PABPC4L: variants seen among roughly 807,000 people sequenced by gnomAD.
PABPC4L encodes the protein poly(A) binding protein cytoplasmic 4 like.
For synonymous variants in PABPC4L, 169 were observed against 164.1 expected (o/e 1.03, Z -0.23); for missense variants, 452 against 451.4 (o/e 1.00, Z -0.01).
the PABPC4L span, among the ~76,000 whole-genome samples, chr4:133,969,192 C>A: frequency 6.6e-6 from 1 of 152,146 alleles, no homozygotes; most frequent in Non-Finnish European, 1.5e-5. Flanking sequence ...AAGCTTTGTG[C>A]ATGTTTCTCT....
At chr4:134,144,352 C>T in the PABPC4L span, among the ~76,000 whole-genome samples, 1 of 151,472 alleles carries the variant, frequency 6.6e-6, no homozygotes, top group African/African-American at 2.4e-5. Flanking sequence ...CTTGGATTTT[C>T]AATAGGCAAA....
At chr4:134,016,369 C>T in the PABPC4L span, among the ~76,000 whole-genome samples, 5 of 152,146 alleles carry the variant, frequency 3.3e-5, no homozygotes, top group Admixed American at 3.3e-4. Flanking sequence ...ATCAGTAATG[C>T]CTCTTTAATA....
At chr4:134,033,694 A>G in the PABPC4L span, among the ~76,000 whole-genome samples, 5 of 151,962 alleles carry the variant, frequency 3.3e-5, no homozygotes, top group Non-Finnish European at 4.4e-5. Flanking sequence ...CCAAATCGCA[A>G]TCTAGAGCAA....
the PABPC4L span, among the ~76,000 whole-genome samples, chr4:133,999,172 T>C: frequency 1.3e-5 from 2 of 152,120 alleles, no homozygotes; most frequent in Non-Finnish European, 2.9e-5. Context: ...CAGGTTTCCC[T>C]GTTTCTTTGG....
Position 134,200,399 on chromosome 4 carries a change from C to T in PABPC4L, c.621G>A (p.Lys207=), listed in dbSNP as rs1365382455. ...FGGDMDDERL[K]DVFSKYGKTL... is the part of the protein sequence containing the mutation. ...TTTTGCCATATTTGCTGAAAACGTC[C>T]TTCAATCTCTCATCATCCATGTCAC... Residue 207 remains lysine, a synonymous_variant, in exon 2 of 2, where the codon AAG becomes AAA. Coordinates refer to ENST00000421491, the MANE Select transcript of PABPC4L (RefSeq NM_001114734.2). 6.4e-7 allele frequency: 1 copy of T among 1,561,146 alleles called. No individual in the cohort carries two copies. The highest frequency in any genetic ancestry group is 2.4e-5 in the East Asian group (1 of 41,726).
the PABPC4L span, among the ~76,000 whole-genome samples, chr4:134,186,363 T>C: frequency 1.3e-5 from 2 of 151,968 alleles, no homozygotes; most frequent in African/African-American, 4.8e-5. Context: ...TGGAACAGAA[T>C]AGAGTCCCTG....
Position 134,198,952 on chromosome 4 carries a change from A to T in PABPC4L, c.*955T>A, listed in dbSNP as rs2125708850. 6.6e-6 allele frequency: 1 copy of T among 152,108 alleles called. No individual in the cohort carries two copies. Among genetic ancestry groups the T allele is most frequent in the African/African-American group, 2.4e-5 (1 of 41,566 alleles). The allele number at this position is 152,108 out of a possible 1,614,324, so 9.4% of individuals were successfully genotyped here. ...GATGTGAGTACATAAAAATAGAGGA[A>T]CTTACTTTTCTGAACCCTAAGAGAA... On this transcript the variant is annotated 3_prime_UTR_variant, in exon 2 of 2. Transcript: ENST00000421491.
chr4:134,175,480 G>A, the PABPC4L span, among the ~76,000 whole-genome samples: 42 of 151,164 alleles, frequency 2.8e-4, no homozygotes, highest in Admixed American at 1.8e-3. Context: ...ACAGGGTCTC[G>A]CTCTGTCGCC....
chr4:133,956,158 C>A, the PABPC4L span, among the ~76,000 whole-genome samples: 1 of 152,044 alleles, frequency 6.6e-6, no homozygotes, highest in South Asian at 2.1e-4. Flanking sequence ...TTGCAAAGAA[C>A]TCTTTCTTTG....
chr4:134,019,997 A>C, the PABPC4L span, among the ~76,000 whole-genome samples: 2 of 152,162 alleles, frequency 1.3e-5, no homozygotes, highest in Non-Finnish European at 2.9e-5. Context: ...CAGAATGTAT[A>C]AATCAACTGT....
chr4:134,131,230 A>AAT, the PABPC4L span, among the ~76,000 whole-genome samples: 4 of 152,058 alleles, frequency 2.6e-5, no homozygotes, highest in East Asian at 7.7e-4. Flanking sequence ...AGGGCATCCA[A>AAT]ATCAATGAAG....
chr4:134,160,207 G>T, the PABPC4L span, among the ~76,000 whole-genome samples: 3 of 152,112 alleles, frequency 2.0e-5, no homozygotes. Flanking sequence ...GGGCCATGTC[G>T]GCTGTGGTGG....
At chr4:134,097,783 A>G in the PABPC4L span, among the ~76,000 whole-genome samples, 1 of 151,984 alleles carries the variant, frequency 6.6e-6, no homozygotes, top group Non-Finnish European at 1.5e-5. Flanking sequence ...CAACCAGTGA[A>G]TACTTCTGTT....
chr4:134,175,955 G>T, the PABPC4L span, among the ~76,000 whole-genome samples: 1 of 152,058 alleles, frequency 6.6e-6, no homozygotes, highest in East Asian at 1.9e-4. Context: ...AGTAAATTCA[G>T]ATTCCTGAAA....
At position 134,200,133 on chromosome 4, in the gene PABPC4L, TAG is replaced by T. The variant is rs777557211; in HGVS notation, c.885_886del (p.Ile297Ter). 1 of 1,551,678 alleles carries T rather than the reference TAG, an allele frequency of 6.4e-7. No individual in the cohort carries two copies. The highest frequency in any genetic ancestry group is 1.2e-5 in the South Asian group (1 of 84,068). On this transcript the variant is annotated frameshift_variant, in exon 2 of 2. Coordinates refer to ENST00000421491, the MANE Select transcript of PABPC4L (RefSeq NM_001114734.2). LOFTEE classifies it low-confidence loss of function (END_TRUNC). The stretch of plus-strand genomic sequence containing the variant: ...GATGGTGTCATCAAGGTTCTTAATA[TAG>T]AGTTTTACCCCCTGGCACCCACGAA...
chr4:134,043,712 A>G, the PABPC4L span, among the ~76,000 whole-genome samples: 4 of 152,142 alleles, frequency 2.6e-5, no homozygotes, highest in East Asian at 1.9e-4. Context: ...TCAATAAATG[A>G]CACAATATTA....
At chr4:133,979,120 T>C in the PABPC4L span, among the ~76,000 whole-genome samples, 1 of 152,166 alleles carries the variant, frequency 6.6e-6, no homozygotes. Flanking sequence ...AAAATTGATA[T>C]CGAAAAGATC....
the PABPC4L span, among the ~76,000 whole-genome samples, chr4:134,133,223 T>C: frequency 2.9e-5 from 4 of 136,554 alleles, no homozygotes; most frequent in African/African-American, 1.1e-4. Flanking sequence ...TAATATTGTA[T>C]ATTAGATATT....
the PABPC4L span, among the ~76,000 whole-genome samples, chr4:134,179,715 A>G: frequency 1.3e-5 from 2 of 152,144 alleles, no homozygotes; most frequent in Admixed American, 1.3e-4. Context: ...AATGCAAAAC[A>G]TAAAGAGGCA....
Sources: allele counts gnomAD v4.1 joint callset (sites outside exome capture counted in the v4.1 genomes callset), GRCh38; gene constraint gnomAD v4.1.1; transcripts MANE v1.5; gene names NCBI Gene and HGNC (gene_info 2026-07-23, HGNC 2026-07-21).